The following CCDC7 variants were observed in gnomAD, a reference collection of about 807,000 sequenced individuals.
CCDC7 encodes the protein coiled-coil domain-containing protein 7.
A neutral mutation model predicts 196.9 loss-of-function variants in CCDC7; 183 were observed. The ratio of observed to expected loss-of-function variants is 0.93; its 90% CI spans 0.82 to 1.05. The LOEUF (loss-of-function observed/expected upper bound fraction) is 1.05, where lower values mean the gene tolerates loss of function less well. Among genes scored for constraint, CCDC7 ranks in the 50% least tolerant of loss-of-function variants. CCDC7 has a pLI of 0.00. For synonymous variants in CCDC7, 525 were observed against 484.6 expected (o/e 1.08, Z -1.10); for missense variants, 1,540 against 1,482.2 (o/e 1.04, Z -0.64).
intron 41 of CCDC7, among the ~76,000 whole-genome samples, chr10:32,859,589 A>G (rs946314457): frequency 4.6e-5 from 7 of 152,202 alleles, no homozygotes; most frequent in African/African-American, 1.7e-4. Flanking sequence ...TGAAGGAGAG[A>G]CACAAAAAAC....
intron 9 of CCDC7, among the ~76,000 whole-genome samples, chr10:32,501,006 G>GC (rs1435688270): frequency 2.6e-5 from 4 of 152,152 alleles, no homozygotes; most frequent in African/African-American, 9.7e-5. Context: ...GTACAGTCCA[G>GC]CCTCCGCTCG....
At chr10:32,640,254 G>T (rs2066483191) in intron 20 of CCDC7, among the ~76,000 whole-genome samples, 1 of 152,126 alleles carries the variant, frequency 6.6e-6, no homozygotes, top group African/African-American at 2.4e-5. Flanking sequence ...ATTTAGGATA[G>T]TCAGCTCTTC....
chr10:32,670,033 G>A (rs959916057), intron 21 of CCDC7, among the ~76,000 whole-genome samples: 1 of 152,100 alleles, frequency 6.6e-6, no homozygotes, highest in Admixed American at 6.6e-5. Context: ...TTCGCTTGGG[G>A]CACGTTTGTA....
At chr10:32,791,517 G>A (rs894521329) in intron 29 of CCDC7, among the ~76,000 whole-genome samples, 3 of 151,816 alleles carry the variant, frequency 2.0e-5, no homozygotes, top group South Asian at 2.1e-4. Flanking sequence ...AGTCAATAAA[G>A]CCAAAGATAT....
At chr10:32,738,237 A>G (rs1050566505) in intron 28 of CCDC7, among the ~76,000 whole-genome samples, 2 of 152,094 alleles carry the variant, frequency 1.3e-5, no homozygotes, top group African/African-American at 2.4e-5. Context: ...TACAATGTAC[A>G]TTTATAGAAT....
intron 11 of CCDC7, among the ~76,000 whole-genome samples, chr10:32,540,314 C>G (rs1564591976): frequency 6.6e-6 from 1 of 152,136 alleles, no homozygotes; most frequent in Admixed American, 6.5e-5. Context: ...TGCTTAAAGT[C>G]CCATTTTGCC....
rs569415470 is a variant in CCDC7 at position 32,506,275 on chromosome 10, G to A, written c.873-11670G>A. Among the ~76,000 whole-genome samples the A allele has an allele frequency of 5.2e-4, 78 of 150,208 alleles. 1 individual carries two copies. The Middle Eastern group carries it at 0.014, about 27-fold the overall frequency. ...CCAGACGGGGCGGCCGGGCAGAGGC[G>A]CTCCTCACATCCCAGACGATGGGCG... On this transcript the variant is annotated intron_variant, in intron 9 of 41. Coordinates refer to ENST00000639629, the Ensembl canonical transcript of CCDC7.
intron 29 of CCDC7, among the ~76,000 whole-genome samples, chr10:32,787,089 AC>A (rs2134486406): frequency 6.6e-6 from 1 of 152,310 alleles, no homozygotes; most frequent in African/African-American, 2.4e-5. Flanking sequence ...GATCAGCAAC[AC>A]ATTATGTGGG....
rs761680003 is a variant in CCDC7 at position 32,453,452 on chromosome 10, C to T, written c.372+16C>T. On this transcript the variant is annotated intron_variant, in intron 2 of 41. Coordinates refer to ENST00000639629, the Ensembl canonical transcript of CCDC7. ...ATCTTTATCTGTAAGTATATGCAAC[C>T]CTAATATAGAGACATTAACACTGAA... The T allele has an allele frequency of 1.4e-6, 2 of 1,454,616 alleles. No homozygotes were observed. Among genetic ancestry groups the T allele is most frequent in the South Asian group, 3.3e-5 (2 of 61,144 alleles). The allele number at this position is 1,454,616 out of a possible 1,614,324, so 90.1% of individuals were successfully genotyped here. A position where few individuals can be genotyped will look rare whatever the true frequency, so the allele number is the denominator to read the frequency against.
At chr10:32,591,297 C>T (rs189885109) in intron 18 of CCDC7, among the ~76,000 whole-genome samples, 1 of 151,906 alleles carries the variant, frequency 6.6e-6, no homozygotes, top group Non-Finnish European at 1.5e-5. Context: ...TTTTCTTCTG[C>T]CTGATCAGTT....
intron 20 of CCDC7, among the ~76,000 whole-genome samples, chr10:32,645,465 A>G (rs989201695): frequency 7.3e-6 from 1 of 137,306 alleles, no homozygotes; most frequent in Admixed American, 7.3e-5. Flanking sequence ...TTCATCAGTG[A>G]TACTGACCTG....
chr10:32,505,594 C>A (rs1295917884), intron 9 of CCDC7, among the ~76,000 whole-genome samples: 1 of 151,880 alleles, frequency 6.6e-6, no homozygotes, highest in Non-Finnish European at 1.5e-5. Context: ...TACACAGACA[C>A]AGTAACAATC....
chr10:32,510,064 CAG>C (rs1195664679), intron 9 of CCDC7, among the ~76,000 whole-genome samples: 4 of 152,134 alleles, frequency 2.6e-5, no homozygotes, highest in African/African-American at 7.2e-5. Flanking sequence ...ATCAATATGT[CAG>C]GGGGATATCT....
chr10:32,879,876 A>G (rs899766115), downstream of CCDC7, among the ~76,000 whole-genome samples: 2 of 152,062 alleles, frequency 1.3e-5, no homozygotes, highest in Admixed American at 6.6e-5. Context: ...CCTGCAAACG[A>G]CATGATCTCA....
At chr10:32,710,001 G>C (rs2080551082) in intron 24 of CCDC7, among the ~76,000 whole-genome samples, 1 of 152,176 alleles carries the variant, frequency 6.6e-6, no homozygotes. Flanking sequence ...AAGAGAGCAT[G>C]GGTTTGCCAA....
chr10:32,841,400 T>C (rs1344005178), intron 33 of CCDC7, among the ~76,000 whole-genome samples: 1 of 151,752 alleles, frequency 6.6e-6, no homozygotes, highest in Non-Finnish European at 1.5e-5. Flanking sequence ...CCTTTCACAA[T>C]AGCTGCCAAA....
intron 30 of CCDC7, among the ~76,000 whole-genome samples, chr10:32,808,216 C>T (rs1424641832): frequency 6.6e-6 from 1 of 152,142 alleles, no homozygotes; most frequent in Non-Finnish European, 1.5e-5. Context: ...GAGAACCAGC[C>T]CTCTCAGCCT....
intron 41 of CCDC7, among the ~76,000 whole-genome samples, chr10:32,873,439 A>AT (rs1490794790): frequency 6.6e-6 from 1 of 151,364 alleles, no homozygotes; most frequent in South Asian, 2.1e-4. Flanking sequence ...CATTCATCTA[A>AT]TTTTTTTTCA....
chr10:32,710,130 G>A (rs1004883737), intron 24 of CCDC7, among the ~76,000 whole-genome samples: 4 of 152,130 alleles, frequency 2.6e-5, no homozygotes, highest in African/African-American at 9.7e-5. Context: ...CACTCTAAAG[G>A]AGGGGTTTTA....
Sources: gnomAD v4.1 joint callset for allele counts (sites outside exome capture counted in the v4.1 genomes callset) on GRCh38, gnomAD v4.1.1 for gene constraint, MANE v1.5 for transcripts, NCBI Gene and HGNC (gene_info 2026-07-23, HGNC 2026-07-21) for gene names.